Variants in SVIL observed in about 807,000 individuals in gnomAD.
SVIL encodes the protein archvillin.
Under a neutral mutation model 240.4 loss-of-function variants are expected in SVIL, and 101 were observed. That is an observed-to-expected ratio of 0.42 (90% CI 0.36 to 0.50). The LOEUF (loss-of-function observed/expected upper bound fraction) is 0.50, where lower values mean the gene tolerates loss of function less well. SVIL is among the 20% of genes least tolerant of loss of function. SVIL has a pLI of 0.01. For synonymous variants in SVIL, 999 were observed against 1,100.0 expected (o/e 0.91, Z 1.82); for missense variants, 2,512 against 2,818.7 (o/e 0.89, Z 2.46).
intron 36 of SVIL, among the ~76,000 whole-genome samples, chr10:29,461,808 A>G (rs1588769057): frequency 6.6e-6 from 1 of 152,242 alleles, no homozygotes. Flanking sequence ...ATCCCTTATC[A>G]TAAGGGAGTC....
intron 1 of SVIL, among the ~76,000 whole-genome samples, chr10:29,710,160 C>A (rs1564349162): frequency 6.6e-6 from 1 of 151,808 alleles, no homozygotes; most frequent in Non-Finnish European, 1.5e-5. Flanking sequence ...CTCAAGCAAT[C>A]CTCCCACCTC....
At chr10:29,649,372 C>T (rs541506247) in intron 3 of SVIL, among the ~76,000 whole-genome samples, 12 of 152,138 alleles carry the variant, frequency 7.9e-5, no homozygotes, top group Non-Finnish European at 1.3e-4. Context: ...TGAACCCCCA[C>T]GGCATGCCTC....
chr10:29,482,030 T>C (rs1443776245), intron 27 of SVIL, among the ~76,000 whole-genome samples: 14 of 50,556 alleles, frequency 2.8e-4, no homozygotes, highest in African/African-American at 1.5e-3. Context: ...TCTTTTTTTT[T>C]TTTTTTTTTT....
chr10:29,622,057 T>C (rs940021473), intron 1 of SVIL, among the ~76,000 whole-genome samples: 3 of 151,244 alleles, frequency 2.0e-5, no homozygotes, highest in Admixed American at 6.6e-5. Context: ...GAGACCATCC[T>C]GGCTAACACG....
intron 1 of SVIL, among the ~76,000 whole-genome samples, chr10:29,706,672 T>C (rs1962912754): frequency 6.6e-6 from 1 of 152,062 alleles, no homozygotes; most frequent in Non-Finnish European, 1.5e-5. Context: ...TTGGTTTCTG[T>C]TGCAATTGCT....
chr10:29,542,095 T>A (rs2182402), intron 6 of SVIL, among the ~76,000 whole-genome samples: 83,048 of 152,040 alleles, frequency 0.55, 23,409 homozygotes, highest in African/African-American at 0.7. Context: ...TCTTCACAGC[T>A]TGATTTTCTC....
intron 2 of SVIL, among the ~76,000 whole-genome samples, chr10:29,664,081 C>T (rs1564745601): frequency 1.3e-5 from 2 of 152,162 alleles, no homozygotes; most frequent in African/African-American, 4.8e-5. Flanking sequence ...CATGACAGCA[C>T]AGGTTCTTAA....
chr10:29,634,165 A>G (rs1006947451), intron 1 of SVIL, among the ~76,000 whole-genome samples: 10 of 151,676 alleles, frequency 6.6e-5, no homozygotes, highest in Non-Finnish European at 1.5e-4. Flanking sequence ...TTAGTATTAA[A>G]CCTTTCTCTA....
intron 3 of SVIL, among the ~76,000 whole-genome samples, chr10:29,650,533 C>A (rs1196771785): frequency 6.6e-6 from 1 of 152,062 alleles, no homozygotes; most frequent in East Asian, 1.9e-4. Flanking sequence ...TTTATTACCA[C>A]ATTTATTACC....
At chr10:29,709,975 C>T (rs779296580) in intron 1 of SVIL, among the ~76,000 whole-genome samples, 38 of 152,180 alleles carry the variant, frequency 2.5e-4, no homozygotes, top group African/African-American at 8.9e-4. Context: ...TTTGGGGGTG[C>T]GCGAGAGGCA....
chr10:29,663,920 C>T (rs770100404), intron 2 of SVIL, among the ~76,000 whole-genome samples: 2 of 152,182 alleles, frequency 1.3e-5, no homozygotes, highest in Admixed American at 1.3e-4. Flanking sequence ...AAGGGCACAT[C>T]AAGGAGAGGG....
rs375468535 is a variant in SVIL at position 29,533,050 on chromosome 10, T to C, written c.1317A>G (p.Lys439=). The C allele has an allele frequency of 6.2e-7, 1 of 1,613,972 alleles. No homozygotes were observed. Among genetic ancestry groups the C allele is most frequent in the Non-Finnish European group, 8.5e-7 (1 of 1,179,996 alleles). ...EEEGEGEGEE[K]EEDVCFTEAL... is the part of the protein sequence containing the mutation. ...CTTCAGTGAAGCACACATCTTCTTCTTTTTCTTCTCCTTCTCCTTCCCCTT... is the reference window on the plus strand; with the variant it reads ...CTTCAGTGAAGCACACATCTTCTTCCTTTTCTTCTCCTTCTCCTTCCCCTT... Residue 439 remains lysine, a synonymous_variant, in exon 8 of 38, where the codon AAA becomes AAG. Transcript: ENST00000355867.
intron 1 of SVIL, among the ~76,000 whole-genome samples, chr10:29,729,980 G>A (rs1211818544): frequency 6.6e-6 from 1 of 151,174 alleles, no homozygotes; most frequent in African/African-American, 2.4e-5. Flanking sequence ...CTTGAGCCCA[G>A]GGAGCTCGAG....
chr10:29,689,412 G>C (rs1241312813), intron 1 of SVIL, among the ~76,000 whole-genome samples: 1 of 152,146 alleles, frequency 6.6e-6, no homozygotes, highest in Non-Finnish European at 1.5e-5. Context: ...AGCTTCCCGA[G>C]TAGTGGGGAT....
intron 6 of SVIL, among the ~76,000 whole-genome samples, chr10:29,550,164 A>G (rs1953152382): frequency 6.6e-6 from 1 of 151,930 alleles, no homozygotes; most frequent in African/African-American, 2.4e-5. Context: ...TAGGCCAGGT[A>G]CGGTGGCTCA....
At chr10:29,624,101 G>T (rs1166543381) in intron 1 of SVIL, among the ~76,000 whole-genome samples, 1 of 148,970 alleles carries the variant, frequency 6.7e-6, no homozygotes, top group Non-Finnish European at 1.5e-5. Context: ...CACTTTTTGG[G>T]AGTCACAGCC....
intron 6 of SVIL, among the ~76,000 whole-genome samples, chr10:29,549,766 G>A (rs1233829337): frequency 4.2e-5 from 6 of 141,388 alleles, no homozygotes; most frequent in East Asian, 4.2e-4. Flanking sequence ...GTAAACTATC[G>A]CAAAAACAAA....
At chr10:29,550,538 G>A in intron 6 of SVIL, 59 bp downstream of exon 6, 5 of 1,477,034 alleles carry the variant, frequency 3.4e-6, no homozygotes, top group Non-Finnish European at 3.6e-6. Context: ...ATCACACAGA[G>A]AGGCAAAAAG....
At chr10:29,668,715 C>T (rs554401978) in intron 2 of SVIL, among the ~76,000 whole-genome samples, 115 of 152,314 alleles carry the variant, frequency 7.6e-4, no homozygotes, top group Non-Finnish European at 1.3e-3. Context: ...CTCAGGTGAT[C>T]CACCCACCTT....
Sources: gnomAD v4.1 joint callset for allele counts (sites outside exome capture counted in the v4.1 genomes callset) on GRCh38, gnomAD v4.1.1 for gene constraint, MANE v1.5 for transcripts, NCBI Gene and HGNC (gene_info 2026-07-23, HGNC 2026-07-21) for gene names.